SLC13A3: variants seen among roughly 807,000 people sequenced by gnomAD.
The protein encoded by SLC13A3 is Na(+)/dicarboxylate cotransporter 3.
In SLC13A3, 40 loss-of-function variants were observed where a neutral mutation model predicts 59.0. The observed-to-expected ratio is 0.68, with a 90% CI of 0.53 to 0.88. SLC13A3 has a LOEUF of 0.88. Ranked by LOEUF, SLC13A3 falls within the 40% of genes least tolerant of loss-of-function variation. The probability of loss-of-function intolerance (pLI) is 0.00; values close to 1 mark genes in which losing one functional copy is unlikely to be tolerated. For missense variants in SLC13A3, 699 were observed against 783.2 expected (o/e 0.89, Z 1.28); for synonymous variants, 317 against 330.3 (o/e 0.96, Z 0.44).
At chr20:46,684,127 G>C (rs568408350) in intron 1 of SLC13A3, among the ~76,000 whole-genome samples, 1 of 152,286 alleles carries the variant, frequency 6.6e-6, no homozygotes, top group Non-Finnish European at 1.5e-5. Flanking sequence ...TGCTGTCGGG[G>C]ATGTTTCTTC....
intron 1 of SLC13A3, among the ~76,000 whole-genome samples, chr20:46,669,602 A>G (rs1040445525): frequency 6.6e-6 from 1 of 152,178 alleles, no homozygotes; most frequent in Non-Finnish European, 1.5e-5. Flanking sequence ...GATGGGAGCT[A>G]TTGGCAAGAG....
upstream of SLC13A3, among the ~76,000 whole-genome samples, chr20:46,653,301 C>G (rs1445996865): frequency 6.6e-6 from 1 of 152,180 alleles, no homozygotes; most frequent in Non-Finnish European, 1.5e-5. Context: ...TCGGGTTAAG[C>G]TCTCTGCATA....
At chr20:46,657,075 A>ACCAG (rs2062999030) in intron 1 of SLC13A3, among the ~76,000 whole-genome samples, 1 of 152,074 alleles carries the variant, frequency 6.6e-6, no homozygotes, top group South Asian at 2.1e-4. Flanking sequence ...AGTCAGTTTG[A>ACCAG]CCAGCCTGGT....
At chr20:46,616,968 T>G (rs1394931810) in intron 1 of SLC13A3, among the ~76,000 whole-genome samples, 1 of 152,218 alleles carries the variant, frequency 6.6e-6, no homozygotes, top group Non-Finnish European at 1.5e-5. Flanking sequence ...AAAAGCAGCA[T>G]GAAACTCTGT....
At chr20:46,652,547 ATTTTTTTT>A (rs11471373), upstream of SLC13A3, among the ~76,000 whole-genome samples, 158 of 117,802 alleles carry the variant, frequency 1.3e-3, no homozygotes, top group Middle Eastern at 0.018. Flanking sequence ...TATCTGGCTA[ATTTTTTTT>A]TTTTTTTTTT....
intron 1 of SLC13A3, among the ~76,000 whole-genome samples, chr20:46,621,140 TGA>T: frequency 6.6e-6 from 1 of 152,348 alleles, no homozygotes; most frequent in East Asian, 1.9e-4. Flanking sequence ...CTGCTCATTA[TGA>T]GAGTTTTATG....
At chr20:46,644,501 C>CA (rs923151220) in intron 1 of SLC13A3, among the ~76,000 whole-genome samples, 8 of 151,890 alleles carry the variant, frequency 5.3e-5, no homozygotes, top group Non-Finnish European at 1.2e-4. Flanking sequence ...GTTAAATTGC[C>CA]AAAAAAATAA....
chr20:46,595,903 C>T (rs545700001), intron 5 of SLC13A3, among the ~76,000 whole-genome samples: 21 of 152,164 alleles, frequency 1.4e-4, no homozygotes, highest in Non-Finnish European at 1.3e-4. Flanking sequence ...ACCCTCTTTC[C>T]CTGCTGTATT....
upstream of SLC13A3, among the ~76,000 whole-genome samples, chr20:46,671,779 G>T (rs1053780664): frequency 6.6e-6 from 1 of 152,148 alleles, no homozygotes; most frequent in Admixed American, 6.5e-5. Flanking sequence ...GTAGATACTT[G>T]TACCGGCATC....
chr20:46,635,820 C>A (rs1364056633), intron 1 of SLC13A3, among the ~76,000 whole-genome samples: 1 of 152,208 alleles, frequency 6.6e-6, no homozygotes, highest in Non-Finnish European at 1.5e-5. Flanking sequence ...AGCAAAGAAG[C>A]TGGCCAAAAC....
At chr20:46,659,234 C>T (rs1242546449) in intron 1 of SLC13A3, among the ~76,000 whole-genome samples, 1 of 152,140 alleles carries the variant, frequency 6.6e-6, no homozygotes. Flanking sequence ...CTTTGTTCCT[C>T]TCTTCCTCCT....
upstream of SLC13A3, among the ~76,000 whole-genome samples, chr20:46,654,690 C>T (rs567772171): frequency 1.1e-3 from 174 of 152,208 alleles, 1 homozygote; most frequent in African/African-American, 3.6e-3. Context: ...CCATCACACC[C>T]GGCTAATTTT....
chr20:46,583,260 T>C (rs1216353380), intron 9 of SLC13A3: 2 of 610,678 alleles, frequency 3.3e-6, no homozygotes, highest in East Asian at 1.6e-4. Flanking sequence ...AACTTTCACA[T>C]GTAGTAAAAT....
chr20:46,677,750 G>C (rs1426011720), intron 1 of SLC13A3, among the ~76,000 whole-genome samples: 1 of 152,176 alleles, frequency 6.6e-6, no homozygotes, highest in East Asian at 1.9e-4. Flanking sequence ...TCTTACCTCT[G>C]TAAGAAGAAC....
chr20:46,655,913 TTA>T (rs1568960044), upstream of SLC13A3, among the ~76,000 whole-genome samples: 2 of 142,592 alleles, frequency 1.4e-5, no homozygotes, highest in Non-Finnish European at 1.5e-5. Context: ...GTACAGTATA[TTA>T]TATATACGTA....
intron 11 of SLC13A3, among the ~76,000 whole-genome samples, chr20:46,565,803 C>T (rs956982776): frequency 1.3e-5 from 2 of 152,234 alleles, no homozygotes; most frequent in African/African-American, 4.8e-5. Flanking sequence ...GTGCACGGAT[C>T]AGCCCCATAC....
chr20:46,600,547 G>T (rs750734888), intron 3 of SLC13A3: 1 of 422,008 alleles, frequency 2.4e-6, no homozygotes, highest in Non-Finnish European at 5.1e-6. Context: ...GGGTTTAGCT[G>T]CAGGGCTGCT....
chr20:46,632,904 G>GCTCTTT (rs1600589653), intron 1 of SLC13A3, among the ~76,000 whole-genome samples: 13 of 2,550 alleles, frequency 5.1e-3, no homozygotes, highest in East Asian at 0.025. Context: ...TAGATAGATA[G>GCTCTTT]ATAGATATAT....
chr20:46,603,265 TG>T (rs1600545979), intron 3 of SLC13A3, among the ~76,000 whole-genome samples: 6 of 152,264 alleles, frequency 3.9e-5, no homozygotes, highest in East Asian at 1.9e-4. Flanking sequence ...TTTTAGGTTT[TG>T]GGGGGCCATG....
Sources: allele counts gnomAD v4.1 joint callset (sites outside exome capture counted in the v4.1 genomes callset), GRCh38; gene constraint gnomAD v4.1.1; transcripts MANE v1.5; gene names NCBI Gene and HGNC (gene_info 2026-07-23, HGNC 2026-07-21).